Variants in SCN2B observed in about 807,000 individuals in gnomAD.
The protein encoded by SCN2B is sodium voltage-gated channel beta subunit 2.
SCN2B carries 14 observed loss-of-function variants against 18.2 expected under a neutral mutation model. That is an observed-to-expected ratio of 0.77 (90% confidence interval 0.51 to 1.21). The LOEUF (loss-of-function observed/expected upper bound fraction) is 1.21, where lower values mean the gene tolerates loss of function less well. Among genes scored for constraint, SCN2B ranks in the 50% most tolerant of loss-of-function variants. The pLI, the probability that SCN2B is intolerant of heterozygous loss-of-function variation, is 0.00. For synonymous variants in SCN2B, 115 were observed against 115.3 expected, an observed-to-expected ratio of 1.00 and a Z score of 0.02; for missense variants, 262 against 286.9, an observed-to-expected ratio of 0.91 and a Z score of 0.63.
intron 1 of SCN2B, among the ~76,000 whole-genome samples, chr11:118,173,289 C>G (rs1948443733): frequency 6.6e-6 from 1 of 152,244 alleles, no homozygotes; most frequent in African/African-American, 2.4e-5. Flanking sequence ...CACCTTCCTT[C>G]CCTTCTCCAT....
chr11:118,176,346 G>C lies in SCN2B; in HGVS notation c.70+16C>G. ...ACTTCTGAACCCTCGGGAGCATGCA[G>C]ATGTGTCTAACTTACCCAAAGAGAA... On this transcript the variant is annotated intron_variant, in intron 1 of 3. Transcript: ENST00000278947. The C allele has an allele frequency of 6.2e-7, 1 of 1,611,304 alleles. No homozygotes were observed. The highest frequency in any genetic ancestry group is 8.5e-7 in the Non-Finnish European group (1 of 1,177,828).
intron 1 of SCN2B, among the ~76,000 whole-genome samples, chr11:118,171,075 G>A (rs1452287299): frequency 6.6e-6 from 1 of 152,184 alleles, no homozygotes; most frequent in Non-Finnish European, 1.5e-5. Context: ...GAGTGACCAG[G>A]GCAAATGGCA....
In SCN2B at chr11:118,176,554, T is replaced by C; in HGVS notation, c.-123A>G. 1.4e-6 allele frequency: 1 copy of C among 719,898 alleles called. No individual in the cohort carries two copies. The allele number at this position is 719,898 out of a possible 1,614,324, so 44.6% of individuals were successfully genotyped here. A position where few individuals can be genotyped will look rare whatever the true frequency, so the allele number is the denominator to read the frequency against. On this transcript the variant is annotated 5_prime_UTR_variant, in exon 1 of 4. Coordinates refer to ENST00000278947, the MANE Select transcript of SCN2B (RefSeq NM_004588.5). ...TGCACGGATGTACTTCAAAGACATA[T>C]ACAACATTAAGGAAGCTTTATTTCC...
At chr11:118,167,152 C>T (rs1014697147) in intron 3 of SCN2B, 66 bp from the exon 4 acceptor site, 232 of 1,515,224 alleles carry the variant, frequency 1.5e-4, no homozygotes, top group Non-Finnish European at 2.0e-4. Context: ...CACCCCACTA[C>T]CCGTGGCATG....
Position 118,166,701 on chromosome 11 carries a change from G to T in SCN2B, c.*186C>A, listed in dbSNP as rs892457518. 7.4e-6 allele frequency: 5 copies of T among 674,156 alleles called. No homozygotes were observed. Among genetic ancestry groups the T allele is most frequent in the African/African-American group, 7.1e-5 (4 of 55,954 alleles). 41.8% of individuals were successfully genotyped at this position (674,156 alleles called of 1,614,324 possible). A position where few individuals can be genotyped will look rare whatever the true frequency, so the allele number is the denominator to read the frequency against. ...CGTCCCAGAGCATGGCAGGTTTCTC[G>T]GATGGAAGAGAGTGGGTCACTCTTG... is the stretch of plus-strand genomic sequence containing the variant. On this transcript the variant is annotated 3_prime_UTR_variant, in exon 4 of 4. Coordinates refer to ENST00000278947, the MANE Select transcript of SCN2B (RefSeq NM_004588.5).
At chr11:118,170,616 G>A (rs749405473) in intron 1 of SCN2B, among the ~76,000 whole-genome samples, 27 of 152,140 alleles carry the variant, frequency 1.8e-4, no homozygotes, top group Non-Finnish European at 3.7e-4. Context: ...AGATGAGCCC[G>A]ATAGAGGCTG....
Position 118,168,489 on chromosome 11 carries a change from C to T in SCN2B, c.237+96G>A, listed in dbSNP as rs1441208504. ...GCAGCCCACCCAGGGTCCTCTGGGGCCCTAGCGCAGTGCCGGGGCCGGTGG... is the reference window on the plus strand; with the variant it reads ...GCAGCCCACCCAGGGTCCTCTGGGGTCCTAGCGCAGTGCCGGGGCCGGTGG... On this transcript the variant is annotated intron_variant, in intron 2 of 3. Coordinates refer to ENST00000278947, the MANE Select transcript of SCN2B (RefSeq NM_004588.5). The surrounding 1 kb of genome is among the most constrained non-coding windows in gnomAD (Gnocchi z 4.7). 3 of 1,536,316 alleles carry T rather than the reference C, an allele frequency of 2.0e-6. No homozygotes were observed. The highest frequency in any genetic ancestry group is 1.1e-5 in the South Asian group (1 of 88,758).
At position 118,168,394 on chromosome 11, in the gene SCN2B, AAG is replaced by A. The variant is rs904178821; in HGVS notation, c.238-101_238-100del. On this transcript the variant is annotated intron_variant, in intron 2 of 3. Transcript: ENST00000278947. This position sits in a 1 kb window ranked among gnomAD's most constrained non-coding sequence, Gnocchi z 4.7. ...CTTCCCATCCACCCTTTTCCTGGGG[AAG>A]AGAGGCAGTTACCTCTGTGAGGCAC... 4.0e-5 allele frequency: 53 copies of A among 1,325,766 alleles called. No individual in the cohort carries two copies. The African/African-American group carries it at 7.5e-4, about 19-fold the overall frequency. 82.1% of individuals were successfully genotyped at this position (1,325,766 alleles called of 1,614,324 possible).
chr11:118,172,467 G>C (rs976239963), intron 1 of SCN2B, among the ~76,000 whole-genome samples: 1 of 152,208 alleles, frequency 6.6e-6, no homozygotes, highest in Non-Finnish European at 1.5e-5. Flanking sequence ...CCCATTCCAA[G>C]GCATCCGATC....
rs368267712 is a variant in SCN2B at position 118,166,861 on chromosome 11, C to T, written c.*26G>A. ...GGCGGAGAGGGGAGGAGACGGGACA[C>T]GGGAGGCTGCAGGGCCGGCCACCCA... On this transcript the variant is annotated 3_prime_UTR_variant, in exon 4 of 4. Transcript: ENST00000278947. 58 of 1,612,834 alleles carry T rather than the reference C, an allele frequency of 3.6e-5. No homozygotes were observed. Among genetic ancestry groups the T allele is most frequent in the South Asian group, 8.8e-5 (8 of 91,066 alleles).
Position 118,168,711 on chromosome 11 carries a change from G to A in SCN2B, c.111C>T (p.Thr37=). ...GRSMEVTVPA[T]LNVLNGSDAR... is the part of the protein sequence containing the mutation. ...CGTCAGAGCCATTGAGGACGTTGAG[G>A]GTGGCAGGTACTGTGACCTCCATGC... The change falls in exon 2 of 4, where the codon ACC becomes ACT. Residue 37 remains threonine, a synonymous_variant. Transcript: ENST00000278947. The surrounding 1 kb of genome is among the most constrained non-coding windows in gnomAD (Gnocchi z 4.7). 1.2e-6 allele frequency: 2 copies of A among 1,614,218 alleles called. No homozygotes were observed. The highest frequency in any genetic ancestry group is 1.1e-5 in the South Asian group (1 of 91,090).
chr11:118,167,388 A>C (rs1948393834), intron 3 of SCN2B, among the ~76,000 whole-genome samples: 1 of 152,220 alleles, frequency 6.6e-6, no homozygotes, highest in Non-Finnish European at 1.5e-5. Context: ...ACCTTAAGTA[A>C]CTTATCCTCT....
chr11:118,163,095 C>CCACA lies in SCN2B; in HGVS notation c.*3788_*3791dup, dbSNP rs542204653. The stretch of plus-strand genomic sequence containing the variant: ...AACACTGAGAAGTTATTACACCTCC[C>CCACA]CACACACACACAGTGTAACTTTTGG... On this transcript the variant is annotated 3_prime_UTR_variant, in exon 4 of 4. Coordinates refer to ENST00000278947, the MANE Select transcript of SCN2B (RefSeq NM_004588.5). 6.6e-6 allele frequency: 1 copy of CCACA among 152,570 alleles called. No homozygotes were observed. The highest frequency in any genetic ancestry group is 2.1e-4 in the South Asian group (1 of 4,818). 9.5% of individuals were successfully genotyped at this position (152,570 alleles called of 1,614,324 possible).
Position 118,163,663 on chromosome 11 carries a change from G to A in SCN2B, c.*3224C>T, listed in dbSNP as rs967342526. 5.9e-5 allele frequency: 9 copies of A among 152,684 alleles called. No homozygotes were observed. The highest frequency in any genetic ancestry group is 1.4e-4 in the African/African-American group (6 of 41,418). 9.5% of individuals were successfully genotyped at this position (152,684 alleles called of 1,614,324 possible). A position where few individuals can be genotyped will look rare whatever the true frequency, so the allele number is the denominator to read the frequency against. ...TAGGAGGAAGAGACAGATGGGGGGT[G>A]GGGGCAGAGGGAGGTTCTGAGAGAG... On this transcript the variant is annotated 3_prime_UTR_variant, in exon 4 of 4. Transcript: ENST00000278947.
At chr11:118,172,277 C>G (rs571082576) in intron 1 of SCN2B, among the ~76,000 whole-genome samples, 4 of 152,254 alleles carry the variant, frequency 2.6e-5, no homozygotes, top group Non-Finnish European at 4.4e-5. Flanking sequence ...CATACATCAC[C>G]TCATTTAATA....
Position 118,166,582 on chromosome 11 carries a change from C to A in SCN2B, c.*305G>T, listed in dbSNP as rs1170326477. 2 of 458,842 alleles carry A rather than the reference C, an allele frequency of 4.4e-6. No homozygotes were observed. The highest frequency in any genetic ancestry group is 8.1e-6 in the Non-Finnish European group (2 of 247,174). 28.4% of individuals were successfully genotyped at this position (458,842 alleles called of 1,614,324 possible). On this transcript the variant is annotated 3_prime_UTR_variant, in exon 4 of 4. Coordinates refer to ENST00000278947, the MANE Select transcript of SCN2B (RefSeq NM_004588.5). ...CCCCTCCTCTACCCCTGCCCACCCA[C>A]TCCCTTCTCTCTGGGGACCCTCACA...
chr11:118,170,081 T>C (rs964278257), intron 1 of SCN2B, among the ~76,000 whole-genome samples: 2 of 152,176 alleles, frequency 1.3e-5, no homozygotes, highest in African/African-American at 4.8e-5. Flanking sequence ...TACCAAATAT[T>C]TATAAATCAC....
At position 118,174,103 on chromosome 11, in the gene SCN2B, T is replaced by G. The variant is rs1437856733; in HGVS notation, c.70+2259A>C. ...TTATTTTTCTTTTCTTTTTTTTTTT[T>G]TTTTTTTTTTTTTTTTTGTAGAGAC... On this transcript the variant is annotated intron_variant, in intron 1 of 3. Transcript: ENST00000278947. Among the ~76,000 whole-genome samples, 17 of 128,122 alleles carry G rather than the reference T, an allele frequency of 1.3e-4. 1 individual carries two copies. The highest frequency in any genetic ancestry group is 4.0e-4 in the African/African-American group (13 of 32,314). 84.1% of individuals were successfully genotyped at this position (128,122 alleles called of 152,430 possible).
rs1457436371 is a variant in SCN2B, at chr11:118,168,007, A to G, written c.448+78T>C. 1.2e-5 allele frequency: 15 copies of G among 1,272,074 alleles called. No individual in the cohort carries two copies. The highest frequency in any genetic ancestry group is 1.6e-5 in the Non-Finnish European group (14 of 889,490). 78.8% of individuals were successfully genotyped at this position (1,272,074 alleles called of 1,614,324 possible). On this transcript the variant is annotated intron_variant, in intron 3 of 3. Coordinates refer to ENST00000278947, the MANE Select transcript of SCN2B (RefSeq NM_004588.5). The surrounding 1 kb of genome is among the most constrained non-coding windows in gnomAD (Gnocchi z 4.7). The stretch of plus-strand genomic sequence containing the variant: ...TCCTCAGGAGGGCCTGGCCTCCCCA[A>G]AGTGCCCTGAGCAAATGCCGCAGAG...
Sources: allele counts gnomAD v4.1 joint callset (sites outside exome capture counted in the v4.1 genomes callset), GRCh38; gene constraint gnomAD v4.1.1; non-coding constraint Gnocchi (gnomAD v3.1); transcripts MANE v1.5; gene names NCBI Gene and HGNC (gene_info 2026-07-23, HGNC 2026-07-21).